TOP3A: variants seen among roughly 807,000 people sequenced by gnomAD.
TOP3A encodes the protein DNA topoisomerase 3-alpha.
Under a neutral mutation model 111.3 loss-of-function variants are expected in TOP3A, and 64 were observed. The observed-to-expected ratio is 0.57, with a 90% CI of 0.47 to 0.71. The LOEUF (loss-of-function observed/expected upper bound fraction) is 0.71, where lower values mean the gene tolerates loss of function less well. Ranked by LOEUF, TOP3A falls within the 30% of genes least tolerant of loss-of-function variation. The probability of loss-of-function intolerance (pLI) is 0.00; values close to 1 mark genes in which losing one functional copy is unlikely to be tolerated. For missense variants in TOP3A, 1,104 were observed against 1,285.0 expected, an observed-to-expected ratio of 0.86 and a Z score of 2.15; for synonymous variants, 484 against 485.1, an observed-to-expected ratio of 1.00 and a Z score of 0.03.
At chr17:18,312,024 G>A (rs945038766) in intron 1 of TOP3A, 6 of 152,304 alleles carry the variant, frequency 3.9e-5, no homozygotes, top group Non-Finnish European at 7.3e-5. Context: ...TTTTGGCATT[G>A]GATATCTAGC....
In TOP3A at chr17:18,271,745, A is replaced by G. The variant is rs979858403; in HGVS notation, c.*3057T>C. The G allele has an allele frequency of 1.4e-4, 65 of 448,662 alleles. No individual in the cohort carries two copies. Among genetic ancestry groups the G allele is most frequent in the Non-Finnish European group, 1.2e-4 (26 of 220,674 alleles). The allele number at this position is 448,662 out of a possible 1,614,324, so 27.8% of individuals were successfully genotyped here. A position where few individuals can be genotyped will look rare whatever the true frequency, so the allele number is the denominator to read the frequency against. Reference sequence around the variant, plus strand: ...TTAAGAACTCCTACAACTCAACAACAAAGACAGACAACACAATTTAAAAAT... The same window carrying G: ...TTAAGAACTCCTACAACTCAACAACGAAGACAGACAACACAATTTAAAAAT... On this transcript the variant is annotated 3_prime_UTR_variant, in exon 19 of 19. Transcript: ENST00000321105.
intron 8 of TOP3A, 129 bp downstream of exon 8, chr17:18,301,756 A>C: frequency 1.4e-6 from 1 of 708,890 alleles, no homozygotes. Flanking sequence ...TGGTTCCCAA[A>C]AAGTGATCCC....
rs1269124972 is a variant in TOP3A, at chr17:18,274,760, G to A, written c.*42C>T. ...GTTAACTCATTTCTAAACACAAAGGGGACAGGTCTGAGAAAGTGGCGTTCT... is the reference window on the plus strand; with the variant it reads ...GTTAACTCATTTCTAAACACAAAGGAGACAGGTCTGAGAAAGTGGCGTTCT... On this transcript the variant is annotated 3_prime_UTR_variant, in exon 19 of 19. Transcript: ENST00000321105. 4 of 1,584,986 alleles carry A rather than the reference G, an allele frequency of 2.5e-6. No homozygotes were observed. The highest frequency in any genetic ancestry group is 3.4e-6 in the Non-Finnish European group (4 of 1,163,194).
At chr17:18,304,280 A>T (rs1467330689) in intron 5 of TOP3A, among the ~76,000 whole-genome samples, 1 of 152,178 alleles carries the variant, frequency 6.6e-6, no homozygotes, top group Non-Finnish European at 1.5e-5. Flanking sequence ...TTGCAACTTT[A>T]ATCTTACTTG....
chr17:18,306,075 G>A (rs1001498836), intron 4 of TOP3A, among the ~76,000 whole-genome samples: 9 of 151,996 alleles, frequency 5.9e-5, no homozygotes, highest in Non-Finnish European at 1.2e-4. Context: ...GGTGGCAGGC[G>A]CCTGTAATCT....
chr17:18,314,843 GGCTCA>G lies in TOP3A; in HGVS notation c.-70_-66del. ...CGCATCCTGGGGAAGCCAGAGATGAGGCTCAAATGGCGCCCACCGAAAGGGAACCA... is the reference window on the plus strand; with the variant it reads ...CGCATCCTGGGGAAGCCAGAGATGAGAATGGCGCCCACCGAAAGGGAACCA... On this transcript the variant is annotated 5_prime_UTR_variant, in exon 1 of 19. Coordinates refer to ENST00000321105, the MANE Select transcript of TOP3A (RefSeq NM_004618.5). The G allele has an allele frequency of 2.4e-6, 3 of 1,254,762 alleles. No homozygotes were observed. In the South Asian group the frequency reaches 5.6e-5, roughly 23 times the overall value. The allele number at this position is 1,254,762 out of a possible 1,614,324, so 77.7% of individuals were successfully genotyped here.
chr17:18,303,678 TTTTG>T (rs1304184070), intron 5 of TOP3A, among the ~76,000 whole-genome samples: 7 of 152,156 alleles, frequency 4.6e-5, no homozygotes, highest in Admixed American at 6.5e-5. Context: ...TGACACAGTC[TTTTG>T]TTTGTTTTCC....
chr17:18,285,488 T>C lies in TOP3A; in HGVS notation c.1630A>G (p.Thr544Ala). The change falls in exon 14 of 19, where the codon ACC becomes GCC. Residue 544 changes from threonine to alanine, a missense_variant. Coordinates refer to ENST00000321105, the MANE Select transcript of TOP3A (RefSeq NM_004618.5). ...CCCACGTACATCCGGGCTTTGATGGTCTCGATGTGCTCCGCATGAGTGGCA... is the reference window on the plus strand; with the variant it reads ...CCCACGTACATCCGGGCTTTGATGGCCTCGATGTGCTCCGCATGAGTGGCA... ...TDATHAEHIETIKARMYVGLT... is the reference protein window; with the variant it reads ...TDATHAEHIEAIKARMYVGLT... The C allele has an allele frequency of 1.2e-6, 2 of 1,613,996 alleles. No homozygotes were observed. Among genetic ancestry groups the C allele is most frequent in the South Asian group, 2.2e-5 (2 of 91,080 alleles).
At chr17:18,305,248 T>C in intron 4 of TOP3A, 28 bp from the exon 5 acceptor site, 3 of 1,572,954 alleles carry the variant, frequency 1.9e-6, no homozygotes, top group Non-Finnish European at 2.6e-6. Context: ...ATAAGAGTGG[T>C]GAGAACAGAA....
intron 10 of TOP3A, among the ~76,000 whole-genome samples, chr17:18,294,416 G>A (rs770199877): frequency 2.6e-5 from 4 of 151,384 alleles, no homozygotes; most frequent in East Asian, 1.9e-4. Flanking sequence ...TGCAACCTCC[G>A]CCTCCTGGGT....
At chr17:18,291,289 C>T (rs934948773) in intron 11 of TOP3A, among the ~76,000 whole-genome samples, 7 of 152,214 alleles carry the variant, frequency 4.6e-5, no homozygotes, top group Non-Finnish European at 7.3e-5. Flanking sequence ...TTGATGTAAA[C>T]GCAATCTAAG....
chr17:18,289,794 C>T (rs189226097), intron 13 of TOP3A, among the ~76,000 whole-genome samples: 228 of 152,344 alleles, frequency 1.5e-3, no homozygotes, highest in Middle Eastern at 0.01. Flanking sequence ...AAGGACTTCA[C>T]GTTGAAGCAC....
At chr17:18,292,886 T>G in intron 10 of TOP3A, 34 bp from the exon 11 acceptor site, 2 of 1,579,668 alleles carry the variant, frequency 1.3e-6, no homozygotes, top group Non-Finnish European at 1.7e-6. Context: ...AAAAAGAAAT[T>G]GCTAGGCTCT....
rs1239276927 is a variant in TOP3A, at chr17:18,280,624, G to A, written c.2056C>T (p.Arg686Cys). 6.2e-6 allele frequency: 10 copies of A among 1,614,082 alleles called. No homozygotes were observed. Among genetic ancestry groups the A allele is most frequent in the East Asian group, 4.5e-5 (2 of 44,886 alleles). Reference protein sequence around the residue: ...YLSCMGFPECRSAVWLPDSVL... With the variant: ...YLSCMGFPECCSAVWLPDSVL... ...GAGTCAGGAAGCCACACAGCTGAGC[G>A]ACACTCTGGGAAACCCATGCAGCTG... is the stretch of plus-strand genomic sequence containing the variant. Residue 686 changes from arginine (R) to cysteine (C), a missense_variant, in exon 17 of 19, where the codon CGC (arginine) becomes TGC (cysteine). By Grantham distance (180) the Arg-to-Cys change is radical. Coordinates refer to ENST00000321105, the MANE Select transcript of TOP3A (RefSeq NM_004618.5).
At chr17:18,285,338 C>T in intron 14 of TOP3A, 31 bp from the exon 15 acceptor site, 1 of 1,613,028 alleles carries the variant, frequency 6.2e-7, no homozygotes, top group Non-Finnish European at 8.5e-7. Context: ...TCAGTGAGGG[C>T]CCACCTGAGA....
At chr17:18,287,059 C>T (rs1980149161) in intron 13 of TOP3A, among the ~76,000 whole-genome samples, 2 of 150,108 alleles carry the variant, frequency 1.3e-5, no homozygotes, top group Non-Finnish European at 3.0e-5. Context: ...GCTGGGATTA[C>T]AGGTGTGAGC....
In TOP3A at chr17:18,288,151, AT is replaced by A. The variant is rs1295233051; in HGVS notation, c.1597+2405del. 1.2e-3 allele frequency among the ~76,000 whole-genome samples: 157 copies of A among 126,602 alleles called. 1 individual carries two copies. The highest frequency in any genetic ancestry group is 1.7e-3 in the Non-Finnish European group (102 of 59,124). 83.1% of individuals were successfully genotyped at this position (126,602 alleles called of 152,430 possible). A position where few individuals can be genotyped will look rare whatever the true frequency, so the allele number is the denominator to read the frequency against. On this transcript the variant is annotated intron_variant, in intron 13 of 18. Transcript: ENST00000321105. ...AATAATTATATATATATATATATAA[AT>A]TTTTTTTTTTTTTTTTTTTAGATGG...
intron 3 of TOP3A, 52 bp from the exon 4 acceptor site, chr17:18,307,018 T>C (rs556751016): frequency 1.5e-6 from 2 of 1,322,746 alleles, no homozygotes; most frequent in Non-Finnish European, 2.2e-6. Context: ...CAGAGAGCCC[T>C]CCAATCTAAT....
chr17:18,305,504 G>GCGCGCA (rs1491395465), intron 4 of TOP3A, among the ~76,000 whole-genome samples: 2 of 150,880 alleles, frequency 1.3e-5, no homozygotes, highest in Non-Finnish European at 3.0e-5. Flanking sequence ...GCGCGCGCGC[G>GCGCGCA]CACGCACACT....
Sources: gnomAD v4.1 joint callset for allele counts (sites outside exome capture counted in the v4.1 genomes callset) on GRCh38, gnomAD v4.1.1 for gene constraint, MANE v1.5 for transcripts, NCBI Gene and HGNC (gene_info 2026-07-23, HGNC 2026-07-21) for gene names.